The following TRPC6 variants were observed in gnomAD, a reference collection of about 807,000 sequenced individuals.
TRPC6 encodes the protein short transient receptor potential channel 6.
A neutral mutation model predicts 90.7 loss-of-function variants in TRPC6; 55 were observed. The ratio of observed to expected loss-of-function variants is 0.61; its 90% CI spans 0.49 to 0.76. TRPC6 has a LOEUF of 0.76. Among genes scored for constraint, TRPC6 ranks in the 30% least tolerant of loss-of-function variants. The probability of loss-of-function intolerance (pLI) is 0.00; values close to 1 mark genes in which losing one functional copy is unlikely to be tolerated. For missense variants in TRPC6, 989 were observed against 1,122.7 expected (o/e 0.88, Z 1.70); for synonymous variants, 393 against 393.0 (o/e 1.00, Z 0.00).
chr11:101,453,749 T>A, intron 11 of TRPC6, 24 bp from the exon 12 acceptor site: 1 of 1,601,610 alleles, frequency 6.2e-7, no homozygotes, highest in Non-Finnish European at 8.6e-7. Context: ...AAAGGAGAAA[T>A]CTATGTCAGT....
intron 2 of TRPC6, among the ~76,000 whole-genome samples, chr11:101,501,080 A>AATACATACATAC (rs60962933): frequency 7.1e-4 from 103 of 146,034 alleles, no homozygotes; most frequent in East Asian, 1.4e-3. Context: ...AAGGGAGCAA[A>AATACATACATAC]ATACATACAT....
chr11:101,539,891 TC>T (rs1861132322), intron 1 of TRPC6, among the ~76,000 whole-genome samples: 1 of 152,140 alleles, frequency 6.6e-6, no homozygotes, highest in Non-Finnish European at 1.5e-5. Flanking sequence ...TGTCTAGACA[TC>T]AATGCTGGAG....
At chr11:101,527,961 TA>T (rs1361173693) in intron 1 of TRPC6, among the ~76,000 whole-genome samples, 1 of 151,998 alleles carries the variant, frequency 6.6e-6, no homozygotes, top group African/African-American at 2.4e-5. Flanking sequence ...TAATCCCAGC[TA>T]CTCAGGAGGC....
chr11:101,558,316 TGTATAC>T (rs1357761274), intron 1 of TRPC6, among the ~76,000 whole-genome samples: 1 of 140,754 alleles, frequency 7.1e-6, no homozygotes, highest in East Asian at 2.1e-4. Context: ...CATGTATATA[TGTATAC>T]ATGTATATGG....
intron 2 of TRPC6, among the ~76,000 whole-genome samples, chr11:101,501,378 A>AT (rs1409972753): frequency 1.3e-5 from 2 of 152,048 alleles, no homozygotes; most frequent in Non-Finnish European, 2.9e-5. Context: ...TTTTTATATT[A>AT]TTTTTTTCTA....
chr11:101,562,422 G>A (rs1198624564), intron 1 of TRPC6, among the ~76,000 whole-genome samples: 2 of 152,062 alleles, frequency 1.3e-5, no homozygotes, highest in Non-Finnish European at 2.9e-5. Context: ...AATATTTCCA[G>A]GGTAAATCCC....
At position 101,550,491 on chromosome 11, in the gene TRPC6, T is replaced by C. The variant is rs865826134; in HGVS notation, c.170+32843A>G. Reference sequence around the variant, plus strand: ...ATTTCTGCTAACGCTATTATGCAAATATTTGTTCAACTGATAATAATAATT... The same window carrying C: ...ATTTCTGCTAACGCTATTATGCAAACATTTGTTCAACTGATAATAATAATT... On this transcript the variant is annotated intron_variant, in intron 1 of 12. Transcript: ENST00000344327. 3.3e-5 allele frequency among the ~76,000 whole-genome samples: 5 copies of C among 151,766 alleles called. No homozygotes were observed. The South Asian group carries it at 6.2e-4, about 19-fold the overall frequency.
intron 10 of TRPC6, among the ~76,000 whole-genome samples, chr11:101,456,670 T>C (rs967534741): frequency 6.6e-6 from 1 of 152,158 alleles, no homozygotes. Flanking sequence ...CCACCCCCTA[T>C]TGTGCCAACC....
chr11:101,458,444 G>T (rs7950048), intron 10 of TRPC6, among the ~76,000 whole-genome samples: 47,047 of 152,104 alleles, frequency 0.31, 9,420 homozygotes, highest in African/African-American at 0.57. Context: ...TGTTCAGAAG[G>T]TGGAACAGGG....
At chr11:101,502,335 G>A (rs1259846689) in intron 2 of TRPC6, among the ~76,000 whole-genome samples, 1 of 152,074 alleles carries the variant, frequency 6.6e-6, no homozygotes, top group Non-Finnish European at 1.5e-5. Context: ...CTATCACATT[G>A]GATTATAAAC....
rs1858857722 is a variant in TRPC6 at position 101,455,275 on chromosome 11, G to T, written c.2485-174C>A. 2.0e-5 allele frequency: 12 copies of T among 588,980 alleles called. No individual in the cohort carries two copies. In the South Asian group the frequency reaches 2.4e-4, roughly 12 times the overall value. 36.5% of individuals were successfully genotyped at this position (588,980 alleles called of 1,614,324 possible). On this transcript the variant is annotated intron_variant, in intron 10 of 12. Transcript: ENST00000344327. ...TCCAAGACAAATCAGTGACATTTTAGGTGTGTTCAGTTTGTTAATGGCTGT... is the reference window on the plus strand; with the variant it reads ...TCCAAGACAAATCAGTGACATTTTATGTGTGTTCAGTTTGTTAATGGCTGT...
intron 5 of TRPC6, among the ~76,000 whole-genome samples, chr11:101,478,546 T>C (rs1859468189): frequency 6.6e-6 from 1 of 152,176 alleles, no homozygotes; most frequent in South Asian, 2.1e-4. Context: ...GCACAAATGA[T>C]GTCTTCCTGA....
chr11:101,463,656 C>T (rs887644316), intron 10 of TRPC6, among the ~76,000 whole-genome samples: 2 of 152,104 alleles, frequency 1.3e-5, no homozygotes, highest in African/African-American at 2.4e-5. Flanking sequence ...GTGGTGATAT[C>T]CCCTATATCA....
chr11:101,520,021 C>T (rs1315285471), intron 1 of TRPC6: 1 of 152,088 alleles, frequency 6.6e-6, no homozygotes, highest in South Asian at 2.1e-4. Context: ...TACCTGAGCA[C>T]ACACTCTCAA....
chr11:101,493,062 T>C (rs10160542), intron 2 of TRPC6, among the ~76,000 whole-genome samples: 63,431 of 151,960 alleles, frequency 0.42, 14,052 homozygotes, highest in African/African-American at 0.58. Context: ...CATCATTTTA[T>C]ATCTTCATTC....
rs193175544 is a variant in TRPC6, at chr11:101,555,703, T to C, written c.170+27631A>G. 8.5e-5 allele frequency among the ~76,000 whole-genome samples: 13 copies of C among 152,340 alleles called. No individual in the cohort carries two copies. In the East Asian group the frequency reaches 1.9e-3, roughly 23 times the overall value. ...AGATGTCAAAGAATATTTGTGTTTATGGTGGACTGTACCAGATTTCTATGA... is the reference window on the plus strand; with the variant it reads ...AGATGTCAAAGAATATTTGTGTTTACGGTGGACTGTACCAGATTTCTATGA... On this transcript the variant is annotated intron_variant, in intron 1 of 12. Transcript: ENST00000344327.
chr11:101,455,955 A>G (rs1329848991), intron 10 of TRPC6, among the ~76,000 whole-genome samples: 1 of 152,188 alleles, frequency 6.6e-6, no homozygotes, highest in Non-Finnish European at 1.5e-5. Flanking sequence ...TAACAGCTCA[A>G]TTATGAAAAA....
At chr11:101,554,654 T>C (rs1861521978) in intron 1 of TRPC6, among the ~76,000 whole-genome samples, 1 of 152,112 alleles carries the variant, frequency 6.6e-6, no homozygotes, top group Non-Finnish European at 1.5e-5. Flanking sequence ...CCTCACTATA[T>C]TTCTTTCCCT....
At chr11:101,509,819 G>T (rs966564096) in intron 1 of TRPC6, among the ~76,000 whole-genome samples, 7 of 151,856 alleles carry the variant, frequency 4.6e-5, no homozygotes, top group Non-Finnish European at 8.8e-5. Context: ...TTATAAAAAG[G>T]CCTAGATTAT....
Sources: allele counts gnomAD v4.1 joint callset (sites outside exome capture counted in the v4.1 genomes callset), GRCh38; gene constraint gnomAD v4.1.1; transcripts MANE v1.5; gene names NCBI Gene and HGNC (gene_info 2026-07-23, HGNC 2026-07-21).